SNX8: variants seen among roughly 807,000 people sequenced by gnomAD.
SNX8 encodes the protein sorting nexin-8.
In SNX8, 25 loss-of-function variants were observed where a neutral mutation model predicts 51.6. The observed-to-expected ratio is 0.48, with a 90% CI of 0.35 to 0.68. SNX8 has a LOEUF of 0.68. SNX8 is among the 30% of genes least tolerant of loss of function. The probability of loss-of-function intolerance (pLI) is 0.00; values close to 1 mark genes in which losing one functional copy is unlikely to be tolerated. For synonymous variants in SNX8, 324 were observed against 277.0 expected (o/e 1.17, Z -1.68); for missense variants, 695 against 624.0 (o/e 1.11, Z -1.21).
At chr7:2,351,029 G>A (rs1295038413) in intron 1 of SNX8, among the ~76,000 whole-genome samples, 1 of 152,180 alleles carries the variant, frequency 6.6e-6, no homozygotes, top group Non-Finnish European at 1.5e-5. Context: ...GGCGGCGGGA[G>A]GATCACGAGC....
intron 1 of SNX8, among the ~76,000 whole-genome samples, chr7:2,321,779 C>G (rs182900603): frequency 8.0e-6 from 1 of 125,180 alleles, no homozygotes; most frequent in Non-Finnish European, 1.6e-5. Flanking sequence ...TGCAATGTTG[C>G]GATCTCGGAT....
At chr7:2,349,838 T>C (rs956347548) in intron 1 of SNX8, among the ~76,000 whole-genome samples, 13 of 152,124 alleles carry the variant, frequency 8.5e-5, no homozygotes, top group African/African-American at 3.1e-4. Flanking sequence ...GCTCAAGCTA[T>C]CCTCCTGCCT....
At chr7:2,268,047 C>T (rs529315328) in intron 5 of SNX8, among the ~76,000 whole-genome samples, 2,554 of 143,236 alleles carry the variant, frequency 0.018, 15 homozygotes, top group Admixed American at 0.034. Flanking sequence ...GGCCAGCCAC[C>T]CCGTCCGGGA....
chr7:2,255,208 G>T (rs1355538216), intron 10 of SNX8, 39 bp from the exon 11 acceptor site: 2 of 1,326,218 alleles, frequency 1.5e-6, no homozygotes, highest in South Asian at 1.4e-5. Context: ...AGCAGGCGGG[G>T]CCGGGGCTCC....
rs1260990048 is a variant in SNX8 at position 2,275,205 on chromosome 7, G to A, written c.325C>T (p.Arg109Trp). The A allele has an allele frequency of 6.2e-7, 1 of 1,613,790 alleles. No individual in the cohort carries two copies. Among genetic ancestry groups the A allele is most frequent in the Admixed American group, 1.7e-5 (1 of 60,018 alleles). ...SQRFKSSVYR[R>W]YNDFVVFQEM... ...TGGAAGACCACGAAGTCATTGTACC[G>A]TCTGTATACCGAGGACTTGAAGCGC... The change falls in exon 3 of 11, where the codon CGG becomes TGG. Residue 109 changes from arginine (R) to tryptophan (W), a missense_variant. Coordinates refer to ENST00000222990, the MANE Select transcript of SNX8 (RefSeq NM_013321.4).
At chr7:2,257,317 G>T (rs754595307) in intron 9 of SNX8, 48 bp downstream of exon 9, 4 of 1,576,646 alleles carry the variant, frequency 2.5e-6, no homozygotes, top group Non-Finnish European at 2.6e-6. Context: ...CACCATGGCC[G>T]GGAGGGGAAA....
At chr7:2,267,269 T>C (rs1237032626) in intron 5 of SNX8, among the ~76,000 whole-genome samples, 1 of 152,002 alleles carries the variant, frequency 6.6e-6, no homozygotes, top group Non-Finnish European at 1.5e-5. Context: ...TAAAAAGGGA[T>C]GTACTCTTCA....
At chr7:2,335,607 C>G (rs1373332474) in intron 1 of SNX8, among the ~76,000 whole-genome samples, 1 of 151,910 alleles carries the variant, frequency 6.6e-6, no homozygotes, top group Non-Finnish European at 1.5e-5. Flanking sequence ...TCTAGACCAT[C>G]CTGGTTAACA....
chr7:2,274,351 C>G (rs115746535), intron 3 of SNX8, among the ~76,000 whole-genome samples: 1 of 152,242 alleles, frequency 6.6e-6, no homozygotes, highest in African/African-American at 2.4e-5. Flanking sequence ...CCGTCCAGGA[C>G]ACGGTGACTG....
At chr7:2,343,776 T>A (rs1170289941) in intron 1 of SNX8, among the ~76,000 whole-genome samples, 1 of 152,142 alleles carries the variant, frequency 6.6e-6, no homozygotes, top group Non-Finnish European at 1.5e-5. Flanking sequence ...CCTAGCACTT[T>A]GGGAGGCCAA....
chr7:2,272,015 G>GC, intron 3 of SNX8, 44 bp from the exon 4 acceptor site: 1 of 1,608,466 alleles, frequency 6.2e-7, no homozygotes, highest in Non-Finnish European at 8.5e-7. Context: ...CAGGGCGCCG[G>GC]CCCCCATCTT....
At chr7:2,267,332 CT>C (rs1383774421) in intron 5 of SNX8, among the ~76,000 whole-genome samples, 7 of 143,230 alleles carry the variant, frequency 4.9e-5, no homozygotes, top group Non-Finnish European at 9.2e-5. Flanking sequence ...CCCCCTCCCC[CT>C]CTCCCTCTCC....
At chr7:2,305,820 C>A (rs531449036) in intron 1 of SNX8, among the ~76,000 whole-genome samples, 1 of 152,018 alleles carries the variant, frequency 6.6e-6, no homozygotes, top group Non-Finnish European at 1.5e-5. Flanking sequence ...GTGGCTCACA[C>A]CAGTAATCCC....
At chr7:2,333,973 C>T (rs867541866) in intron 1 of SNX8, among the ~76,000 whole-genome samples, 13 of 151,760 alleles carry the variant, frequency 8.6e-5, no homozygotes, top group African/African-American at 3.1e-4. Flanking sequence ...CTCATCTCTA[C>T]AAAAATTTAA....
chr7:2,304,306 A>T (rs1796492230), intron 1 of SNX8, among the ~76,000 whole-genome samples: 1 of 152,046 alleles, frequency 6.6e-6, no homozygotes, highest in African/African-American at 2.4e-5. Context: ...GCACTTTGGG[A>T]GGCCAAGGTG....
At chr7:2,283,819 G>A (rs889138281) in intron 1 of SNX8, among the ~76,000 whole-genome samples, 3 of 152,154 alleles carry the variant, frequency 2.0e-5, no homozygotes, top group Admixed American at 6.5e-5. Flanking sequence ...AGGGGGTGCC[G>A]GAGTCTTACT....
chr7:2,311,117 C>A (rs2115208358), intron 1 of SNX8, among the ~76,000 whole-genome samples: 1 of 152,254 alleles, frequency 6.6e-6, no homozygotes, highest in Non-Finnish European at 1.5e-5. Context: ...TCAAAGAATT[C>A]AAATAGAATG....
At chr7:2,258,186 ATTTCTT>A (rs1795243097) in intron 7 of SNX8, among the ~76,000 whole-genome samples, 1 of 150,128 alleles carries the variant, frequency 6.7e-6, no homozygotes, top group Non-Finnish European at 1.5e-5. Flanking sequence ...AATTTTTTGT[ATTTCTT>A]TTTTTAGTAG....
intron 1 of SNX8, among the ~76,000 whole-genome samples, chr7:2,321,264 A>G (rs573564757): frequency 1.4e-3 from 215 of 152,164 alleles, no homozygotes; most frequent in Non-Finnish European, 2.4e-3. Flanking sequence ...TGCCGACAGG[A>G]GAGAAAAGGC....
Sources: allele counts gnomAD v4.1 joint callset (sites outside exome capture counted in the v4.1 genomes callset), GRCh38; gene constraint gnomAD v4.1.1; transcripts MANE v1.5; gene names NCBI Gene and HGNC (gene_info 2026-07-23, HGNC 2026-07-21).